Variants in PITPNM2 observed in about 807,000 individuals in gnomAD.
PITPNM2 encodes the protein phosphatidylinositol transfer protein membrane associated 2.
A neutral mutation model predicts 132.2 loss-of-function variants in PITPNM2; 35 were observed. The observed-to-expected ratio is 0.26, with a 90% CI of 0.20 to 0.35. The LOEUF is 0.35. PITPNM2 is among the 10% of genes least tolerant of loss of function. The pLI is 1.00. For missense variants in PITPNM2, 1,332 were observed against 1,912.0 expected (o/e 0.70, Z 5.66); for synonymous variants, 738 against 799.2 (o/e 0.92, Z 1.29).
Position 123,000,314 on chromosome 12 carries a change from C to T in PITPNM2, c.1224+464G>A. Reference sequence around the variant, plus strand: ...AGCGGATACAGGCGCTCTACCAAGACAGTTTTATTGGACACACTGAGCTCC... The same window carrying T: ...AGCGGATACAGGCGCTCTACCAAGATAGTTTTATTGGACACACTGAGCTCC... On this transcript the variant is annotated intron_variant, in intron 10 of 25. Transcript: ENST00000320201. This position sits in a 1 kb window ranked among gnomAD's most constrained non-coding sequence, Gnocchi z 5.4. 1 of 675,068 alleles carries T rather than the reference C, an allele frequency of 1.5e-6. No individual in the cohort carries two copies. The allele number at this position is 675,068 out of a possible 1,614,324, so 41.8% of individuals were successfully genotyped here.
intron 1 of PITPNM2, among the ~76,000 whole-genome samples, chr12:123,132,227 T>A (rs1258723286): frequency 6.6e-6 from 1 of 152,230 alleles, no homozygotes; most frequent in African/African-American, 2.4e-5. Context: ...TGCACAAGCG[T>A]TGCAGAGACA....
chr12:123,048,413 T>TC (rs1011369848), intron 2 of PITPNM2, among the ~76,000 whole-genome samples: 3 of 150,184 alleles, frequency 2.0e-5, no homozygotes, highest in Admixed American at 6.6e-5. Flanking sequence ...TTTTTTTTGT[T>TC]TTTTTTTTTT....
At position 122,986,276 on chromosome 12, in the gene PITPNM2, C is replaced by T. The variant is rs747752702; in HGVS notation, c.3801G>A (p.Thr1267=). The change falls in exon 26 of 26, where the codon ACG becomes ACA. Residue 1267 remains threonine, a synonymous_variant. Transcript: ENST00000320201. ...YSHRARPARN[T]ATRMALRKGS... is the part of the protein sequence containing the mutation. ...CCTTGCGCAGCGCCATGCGGGTGGC[C>T]GTGTTGCGAGCGGGCCGCGCCCGGT... The T allele has an allele frequency of 2.4e-5, 38 of 1,582,518 alleles. No individual in the cohort carries two copies. Among genetic ancestry groups the T allele is most frequent in the Non-Finnish European group, 2.8e-5 (33 of 1,169,156 alleles).
Position 122,990,535 on chromosome 12 carries a change from G to T in PITPNM2, c.2569+10C>A. Reference sequence around the variant, plus strand: ...CTGAGTGAGGAGGGTGAGGGGCCTGGTATACTCACTCTGGGCGATGCTGGA... The same window carrying T: ...CTGAGTGAGGAGGGTGAGGGGCCTGTTATACTCACTCTGGGCGATGCTGGA... On this transcript the variant is annotated intron_variant, in intron 17 of 25. Coordinates refer to ENST00000320201, the MANE Select transcript of PITPNM2 (RefSeq NM_020845.3). The T allele has an allele frequency of 6.2e-7, 1 of 1,612,424 alleles. No homozygotes were observed.
In PITPNM2 at chr12:122,985,956, G is replaced by A. The variant is rs910516147; in HGVS notation, c.*71C>T. The A allele has an allele frequency of 1.3e-5, 17 of 1,312,038 alleles. No homozygotes were observed. In the African/African-American group the frequency reaches 2.4e-4, roughly 18 times the overall value. The allele number at this position is 1,312,038 out of a possible 1,614,324, so 81.3% of individuals were successfully genotyped here. A position where few individuals can be genotyped will look rare whatever the true frequency, so the allele number is the denominator to read the frequency against. On this transcript the variant is annotated 3_prime_UTR_variant, in exon 26 of 26. Transcript: ENST00000320201. Reference sequence around the variant, plus strand: ...GGCCCACGTCAGTGCGTGTGCCCAGGCCAGGCCTCCTGGCGGGGCTGGCCA... The same window carrying A: ...GGCCCACGTCAGTGCGTGTGCCCAGACCAGGCCTCCTGGCGGGGCTGGCCA...
chr12:123,041,660 G>C (rs138412659), intron 2 of PITPNM2, among the ~76,000 whole-genome samples: 386 of 152,312 alleles, frequency 2.5e-3, no homozygotes, highest in African/African-American at 8.8e-3. Flanking sequence ...GTCTCTGCCG[G>C]AGTCGTGACG....
At chr12:123,015,456 T>C (rs1206924902) in intron 3 of PITPNM2, among the ~76,000 whole-genome samples, 1 of 152,098 alleles carries the variant, frequency 6.6e-6, no homozygotes, top group East Asian at 1.9e-4. Context: ...GAAATAATAG[T>C]CTTTAAAAAA....
chr12:123,129,486 C>T (rs927346650), intron 1 of PITPNM2, among the ~76,000 whole-genome samples: 2 of 151,384 alleles, frequency 1.3e-5, no homozygotes, highest in African/African-American at 4.9e-5. Context: ...AGAAGAATGG[C>T]GTGAACCCGG....
At chr12:123,060,811 T>G (rs145727102) in intron 2 of PITPNM2, among the ~76,000 whole-genome samples, 23 of 152,112 alleles carry the variant, frequency 1.5e-4, no homozygotes, top group African/African-American at 5.5e-4. Flanking sequence ...TCCTTAAGGG[T>G]GCCAGGTTGA....
intron 2 of PITPNM2, among the ~76,000 whole-genome samples, chr12:123,101,192 T>C (rs2042555651): frequency 6.6e-6 from 1 of 152,242 alleles, no homozygotes; most frequent in African/African-American, 2.4e-5. Flanking sequence ...TAGGCCATTT[T>C]GGGGAGATGC....
intron 2 of PITPNM2, among the ~76,000 whole-genome samples, chr12:123,053,821 G>A (rs2040938160): frequency 6.6e-6 from 1 of 152,122 alleles, no homozygotes; most frequent in South Asian, 2.1e-4. Context: ...GCCCGCCTCA[G>A]CCTCCCAAAG....
At chr12:123,128,580 C>T (rs1404123973) in intron 1 of PITPNM2, among the ~76,000 whole-genome samples, 6 of 151,300 alleles carry the variant, frequency 4.0e-5, no homozygotes, top group Non-Finnish European at 7.4e-5. Context: ...GTTGAAACCC[C>T]GCCTCTACTA....
At chr12:123,071,460 G>C (rs1323892274) in intron 2 of PITPNM2, among the ~76,000 whole-genome samples, 1 of 152,232 alleles carries the variant, frequency 6.6e-6, no homozygotes, top group Non-Finnish European at 1.5e-5. Flanking sequence ...CTTCCCCTGA[G>C]GGCAAGCTCA....
intron 20 of PITPNM2, 44 bp from the exon 21 acceptor site, chr12:122,987,945 C>T (rs1438252978): frequency 6.5e-7 from 1 of 1,538,222 alleles, no homozygotes; most frequent in African/African-American, 1.4e-5. Flanking sequence ...TCGGAGGGCA[C>T]CCCGGGTCCC....
chr12:122,996,223 G>A (rs1235565974), intron 13 of PITPNM2, among the ~76,000 whole-genome samples: 1 of 152,218 alleles, frequency 6.6e-6, no homozygotes, highest in East Asian at 1.9e-4. Flanking sequence ...CACAGCCCCT[G>A]TCCTGGAGGT....
intron 1 of PITPNM2, among the ~76,000 whole-genome samples, chr12:123,129,064 G>A (rs905830244): frequency 6.6e-5 from 10 of 151,942 alleles, no homozygotes; most frequent in Non-Finnish European, 1.5e-4. Context: ...GAACCCGGGA[G>A]GCAGAGATTG....
intron 2 of PITPNM2, among the ~76,000 whole-genome samples, chr12:123,039,816 AT>A (rs2040400320): frequency 6.6e-6 from 1 of 152,166 alleles, no homozygotes. Flanking sequence ...TTGCCACTCA[AT>A]TTTGCTGTGA....
At chr12:123,142,590 G>C (rs1301888054) in intron 1 of PITPNM2, among the ~76,000 whole-genome samples, 1 of 152,220 alleles carries the variant, frequency 6.6e-6, no homozygotes, top group Non-Finnish European at 1.5e-5. Context: ...CCACCTCCCA[G>C]ATGGTTCAAC....
intron 10 of PITPNM2, among the ~76,000 whole-genome samples, chr12:122,998,698 G>A (rs1228025381): frequency 6.6e-6 from 1 of 152,084 alleles, no homozygotes; most frequent in African/African-American, 2.4e-5. Context: ...GCCATCTAGA[G>A]GGCTTGTGGT....
Sources: allele counts gnomAD v4.1 joint callset (sites outside exome capture counted in the v4.1 genomes callset), GRCh38; gene constraint gnomAD v4.1.1; non-coding constraint Gnocchi (gnomAD v3.1); transcripts MANE v1.5; gene names NCBI Gene and HGNC (gene_info 2026-07-23, HGNC 2026-07-21).